Variants in RUBCN observed in about 807,000 individuals in gnomAD.
RUBCN encodes the protein rubicon autophagy regulator, also known as run domain Beclin-1-interacting and cysteine-rich domain-containing protein.
In RUBCN, 74 loss-of-function variants were observed where a neutral mutation model predicts 113.2. That is an observed-to-expected ratio of 0.65 (90% confidence interval 0.54 to 0.79). RUBCN has a LOEUF of 0.79. Among genes scored for constraint, RUBCN ranks in the 30% least tolerant of loss-of-function variants. RUBCN has a pLI of 0.00. For missense variants in RUBCN, 1,109 were observed against 1,251.7 expected, an observed-to-expected ratio of 0.89 and a Z score of 1.72; for synonymous variants, 480 against 490.0, an observed-to-expected ratio of 0.98 and a Z score of 0.27.
intron 18 of RUBCN, 50 bp downstream of exon 18, chr3:197,676,835 T>C (rs774860243): frequency 1.6e-5 from 26 of 1,613,402 alleles, no homozygotes; most frequent in Non-Finnish European, 2.2e-5. Flanking sequence ...CCCCTCCCTG[T>C]ATCCCTAAAA....
chr3:197,682,361 C>A, intron 14 of RUBCN, 109 bp downstream of exon 14: 1 of 1,292,628 alleles, frequency 7.7e-7, no homozygotes, highest in Non-Finnish European at 1.1e-6. Flanking sequence ...ATGAAGAGAA[C>A]GGTGTGGGAA....
chr3:197,678,350 T>A, intron 16 of RUBCN, among the ~76,000 whole-genome samples: 1 of 150,244 alleles, frequency 6.7e-6, no homozygotes, highest in Non-Finnish European at 1.5e-5. Context: ...CAGACTGTCC[T>A]ATGCTCTAAC....
intron 1 of RUBCN, 62 bp downstream of exon 1, chr3:197,736,593 C>T: frequency 1.3e-6 from 2 of 1,512,782 alleles, no homozygotes; most frequent in Non-Finnish European, 1.8e-6. Context: ...CCGCGCCCTC[C>T]CAAGCCTCCC....
rs2108813643 is a variant in RUBCN, at chr3:197,669,557, T to G, written c.*5461A>C. On this transcript the variant is annotated 3_prime_UTR_variant, in exon 20 of 20. Coordinates refer to ENST00000296343, the MANE Select transcript of RUBCN (RefSeq NM_014687.4). ...TCATTGTATTAGTAGGTACATGACA[T>G]CCAATGACATCTTTGGAGATGTTAA... Among the ~76,000 whole-genome samples, 1 of 152,332 alleles carries G rather than the reference T, an allele frequency of 6.6e-6. No homozygotes were observed. The highest frequency in any genetic ancestry group is 2.4e-5 in the African/African-American group (1 of 41,574).
upstream of RUBCN, among the ~76,000 whole-genome samples, chr3:197,739,918 T>G (rs1188518428): frequency 3.9e-5 from 6 of 152,134 alleles, no homozygotes; most frequent in African/African-American, 1.4e-4. Flanking sequence ...CACACGCCTG[T>G]AATCCCAGCT....
chr3:197,729,414 G>A (rs1475333035), intron 1 of RUBCN, among the ~76,000 whole-genome samples: 9 of 151,758 alleles, frequency 5.9e-5, no homozygotes, highest in Admixed American at 3.9e-4. Flanking sequence ...CACCACGCCC[G>A]GCTAATTTTT....
At chr3:197,731,740 G>A (rs1409708958) in intron 1 of RUBCN, among the ~76,000 whole-genome samples, 1 of 150,714 alleles carries the variant, frequency 6.6e-6, no homozygotes, top group African/African-American at 2.4e-5. Context: ...GCGACTGGCC[G>A]GGCGGGGGGC....
chr3:197,711,365 C>T (rs1343864439), intron 2 of RUBCN, among the ~76,000 whole-genome samples: 1 of 152,142 alleles, frequency 6.6e-6, no homozygotes. Flanking sequence ...TATAAAATGA[C>T]AGCTGTAAGA....
intron 17 of RUBCN, 134 bp from the exon 18 acceptor site, chr3:197,677,172 G>A (rs931344597): frequency 1.4e-5 from 14 of 975,714 alleles, no homozygotes; most frequent in East Asian, 5.1e-5. Context: ...GTTCCAGGCC[G>A]CCGCAGCCGT....
In RUBCN at chr3:197,731,133, A is replaced by G. The variant is rs909958404; in HGVS notation, c.65+5522T>C. Among the ~76,000 whole-genome samples, 8 of 151,326 alleles carry G rather than the reference A, an allele frequency of 5.3e-5. No individual in the cohort carries two copies. In the East Asian group the frequency reaches 1.4e-3, roughly 26 times the overall value. Reference sequence around the variant, plus strand: ...GGTCTCCGGTTTTCCTAGGCAGAGGACCCTGCGGCCTTCCGCAGTGTTTGT... The same window carrying G: ...GGTCTCCGGTTTTCCTAGGCAGAGGGCCCTGCGGCCTTCCGCAGTGTTTGT... On this transcript the variant is annotated intron_variant, in intron 1 of 19. Coordinates refer to ENST00000296343, the MANE Select transcript of RUBCN (RefSeq NM_014687.4).
Position 197,669,906 on chromosome 3 carries a change from T to C in RUBCN, c.*5112A>G, listed in dbSNP as rs1479440166. Among the ~76,000 whole-genome samples the C allele has an allele frequency of 1.3e-5, 2 of 152,252 alleles. No individual in the cohort carries two copies. The highest frequency in any genetic ancestry group is 4.8e-5 in the African/African-American group (2 of 41,474). On this transcript the variant is annotated 3_prime_UTR_variant, in exon 20 of 20. Coordinates refer to ENST00000296343, the MANE Select transcript of RUBCN (RefSeq NM_014687.4). ...TACTATCATAATTTATTTTTTTGTT[T>C]GAGACAGAGTCCCACTCTGTTGCCC...
In RUBCN at chr3:197,716,660, A is replaced by G. The variant is rs117699801; in HGVS notation, c.219+1317T>C. 5.8e-3 allele frequency among the ~76,000 whole-genome samples: 883 copies of G among 152,320 alleles called. 9 individuals are homozygous for G. The highest frequency in any genetic ancestry group is 0.038 in the East Asian group (196 of 5,188). ...ACCTGGGAATGTTGCCTTTTATGACAAAAGTGACTTTGCAGGTGTGATTAA... is the reference window on the plus strand; with the variant it reads ...ACCTGGGAATGTTGCCTTTTATGACGAAAGTGACTTTGCAGGTGTGATTAA... On this transcript the variant is annotated intron_variant, in intron 2 of 19. Coordinates refer to ENST00000296343, the MANE Select transcript of RUBCN (RefSeq NM_014687.4).
rs547275971 is a variant in RUBCN, at chr3:197,688,544, G to A, written c.1787-4327C>T. Among the ~76,000 whole-genome samples, 13 of 152,164 alleles carry A rather than the reference G, an allele frequency of 8.5e-5. No homozygotes were observed. The South Asian group carries it at 1.0e-3, about 12-fold the overall frequency. On this transcript the variant is annotated intron_variant, in intron 11 of 19. Transcript: ENST00000296343. Reference sequence around the variant, plus strand: ...ACTGTGTAGTTTCTGTCTCCTGATCGGACCCTGACTAGATACATCTATGCA... The same window carrying A: ...ACTGTGTAGTTTCTGTCTCCTGATCAGACCCTGACTAGATACATCTATGCA...
At chr3:197,749,629 A>G (rs1728921176) in exon 1 of RUBCN, 1 of 986,460 alleles carries the variant, frequency 1.0e-6, no homozygotes, top group Non-Finnish European at 1.4e-6. Context: ...GGATTATATC[A>G]CTGAAGGCAT....
intron 1 of RUBCN, among the ~76,000 whole-genome samples, chr3:197,743,856 C>T (rs1241777864): frequency 3.9e-5 from 6 of 151,966 alleles, no homozygotes; most frequent in Non-Finnish European, 5.9e-5. Context: ...TGGTGGCGAG[C>T]GCCTGTAATC....
chr3:197,711,393 CTATG>C (rs1253552525), intron 2 of RUBCN, among the ~76,000 whole-genome samples: 9 of 152,094 alleles, frequency 5.9e-5, no homozygotes, highest in Non-Finnish European at 1.0e-4. Flanking sequence ...AAGAAGCTCT[CTATG>C]TAATGATTTC....
chr3:197,739,356 A>G (rs1232096172), upstream of RUBCN, among the ~76,000 whole-genome samples: 1 of 145,106 alleles, frequency 6.9e-6, no homozygotes, highest in Non-Finnish European at 1.5e-5. Flanking sequence ...GTGCTACTGC[A>G]CTCCAGCCTG....
At chr3:197,737,178 G>A, upstream of RUBCN, 1 of 196,308 alleles carries the variant, frequency 5.1e-6, no homozygotes, top group Non-Finnish European at 1.0e-5. Context: ...TCCGTGCCGG[G>A]GCGTATCCTT....
rs1217560245 is a variant in RUBCN, at chr3:197,669,544, T to C, written c.*5474A>G. Among the ~76,000 whole-genome samples, 4 of 152,222 alleles carry C rather than the reference T, an allele frequency of 2.6e-5. No individual in the cohort carries two copies. Among genetic ancestry groups the C allele is most frequent in the Admixed American group, 2.6e-4 (4 of 15,284 alleles). The stretch of plus-strand genomic sequence containing the variant: ...AGATGTACCCCTTTCATTGTATTAG[T>C]AGGTACATGACATCCAATGACATCT... On this transcript the variant is annotated 3_prime_UTR_variant, in exon 20 of 20. Transcript: ENST00000296343.
Sources: gnomAD v4.1 joint callset for allele counts (sites outside exome capture counted in the v4.1 genomes callset) on GRCh38, gnomAD v4.1.1 for gene constraint, MANE v1.5 for transcripts, NCBI Gene and HGNC (gene_info 2026-07-23, HGNC 2026-07-21) for gene names.